The following MICOS10 variants were observed in gnomAD, a reference collection of about 807,000 sequenced individuals.
MICOS10 encodes MICOS complex subunit MIC10.
In MICOS10, 5 loss-of-function variants were observed where a neutral mutation model predicts 13.4. That is an observed-to-expected ratio of 0.37 (90% CI 0.20 to 0.78). The LOEUF is 0.78. MICOS10 is among the 30% of genes least tolerant of loss of function. MICOS10 has a pLI of 0.47. For synonymous variants in MICOS10, 35 were observed against 33.6 expected (o/e 1.04, Z -0.15); for missense variants, 101 against 94.6 (o/e 1.07, Z -0.28).
intron 3 of MICOS10, chr1:19,625,594 T>G: frequency 7.8e-7 from 1 of 1,289,428 alleles, no homozygotes. Flanking sequence ...CAGAGCTGAT[T>G]GTGGGGAGAA....
intron 1 of MICOS10, among the ~76,000 whole-genome samples, chr1:19,621,886 C>G (rs942818204): frequency 6.6e-6 from 1 of 152,090 alleles, no homozygotes; most frequent in African/African-American, 2.4e-5. Flanking sequence ...CTAGAGAGAA[C>G]AGGGAGTCAA....
intron 2 of MICOS10, among the ~76,000 whole-genome samples, chr1:19,623,211 G>A (rs11580266): frequency 0.013 from 1,999 of 152,216 alleles, 22 homozygotes; most frequent in Non-Finnish European, 0.02. Context: ...GTGAGCCACC[G>A]CGCCTGGCCT....
intron 3 of MICOS10, chr1:19,625,592 A>T: frequency 7.8e-7 from 1 of 1,289,414 alleles, no homozygotes. Context: ...ATCAGAGCTG[A>T]TTGTGGGGAG....
At chr1:19,617,307 C>T (rs1179186653) in intron 1 of MICOS10, 2 of 984,840 alleles carry the variant, frequency 2.0e-6, no homozygotes, top group Non-Finnish European at 2.4e-6. Context: ...ATGTTCCAGC[C>T]TCTGTCTAGT....
At chr1:19,607,807 A>G (rs11802651) in intron 1 of MICOS10, among the ~76,000 whole-genome samples, 12,766 of 152,280 alleles carry the variant, frequency 0.084, 628 homozygotes, top group African/African-American at 0.12. Flanking sequence ...TTCTTGTATT[A>G]GCTGATTTTA....
At chr1:19,603,506 C>T (rs937637740) in intron 1 of MICOS10, among the ~76,000 whole-genome samples, 11 of 152,190 alleles carry the variant, frequency 7.2e-5, no homozygotes, top group Non-Finnish European at 1.5e-4. Context: ...TGCCAGAGGA[C>T]GCTTTGAGGA....
At position 19,628,531 on chromosome 1, in the gene MICOS10, A is replaced by C. The variant is rs2094928978; in HGVS notation, c.*2130A>C. The C allele has an allele frequency of 6.6e-6, 1 of 151,890 alleles. No homozygotes were observed. The highest frequency in any genetic ancestry group is 1.5e-5 in the Non-Finnish European group (1 of 67,996). The allele number at this position is 151,890 out of a possible 1,614,324, so 9.4% of individuals were successfully genotyped here. A position where few individuals can be genotyped will look rare whatever the true frequency, so the allele number is the denominator to read the frequency against. ...ACCCTGTCTCTACTAAAAATATAAA[A>C]ATCAGCTGGGCATGGTGGCGCACAC... On this transcript the variant is annotated 3_prime_UTR_variant, in exon 4 of 4. Coordinates refer to ENST00000322753, the MANE Select transcript of MICOS10 (RefSeq NM_001032363.4).
intron 1 of MICOS10, among the ~76,000 whole-genome samples, chr1:19,615,053 C>T (rs2094878413): frequency 1.3e-5 from 2 of 152,178 alleles, no homozygotes; most frequent in African/African-American, 4.8e-5. Flanking sequence ...AAATGTATTC[C>T]CATCCTCCTT....
Position 19,626,436 on chromosome 1 carries a change from G to T in MICOS10, c.*35G>T, listed in dbSNP as rs2094922381. 9.3e-6 allele frequency: 15 copies of T among 1,613,204 alleles called. No individual in the cohort carries two copies. Among genetic ancestry groups the T allele is most frequent in the African/African-American group, 1.3e-5 (1 of 75,014 alleles). The stretch of plus-strand genomic sequence containing the variant: ...AGAACATCCCAGCGGGAGGACAAGA[G>T]AAATCATGTTTATTCCTCAGGAATA... On this transcript the variant is annotated 3_prime_UTR_variant, in exon 4 of 4. Transcript: ENST00000322753.
chr1:19,610,583 T>G (rs975193458), intron 1 of MICOS10, among the ~76,000 whole-genome samples: 1 of 151,568 alleles, frequency 6.6e-6, no homozygotes, highest in African/African-American at 2.4e-5. Context: ...CAAGGTATAT[T>G]TGGGAGGAGT....
intron 2 of MICOS10, among the ~76,000 whole-genome samples, chr1:19,622,564 C>T (rs571957614): frequency 3.3e-5 from 5 of 152,182 alleles, no homozygotes; most frequent in Admixed American, 3.3e-4. Context: ...AAAAATTATC[C>T]TAAGCAAAGG....
chr1:19,623,622 AAAAG>A, intron 3 of MICOS10, 39 bp downstream of exon 3: 1 of 1,432,456 alleles, frequency 7.0e-7, no homozygotes, highest in Non-Finnish European at 9.8e-7. Context: ...CTTCAGAAGA[AAAAG>A]ATTTCTCCTG....
intron 1 of MICOS10, among the ~76,000 whole-genome samples, chr1:19,612,280 T>C (rs2094866208): frequency 1.3e-5 from 2 of 151,088 alleles, no homozygotes; most frequent in South Asian, 4.2e-4. Context: ...ATGGTCTCCA[T>C]CTCCTGACCT....
At chr1:19,607,918 T>C (rs2094841499) in intron 1 of MICOS10, among the ~76,000 whole-genome samples, 1 of 152,202 alleles carries the variant, frequency 6.6e-6, no homozygotes, top group Admixed American at 6.5e-5. Flanking sequence ...CATACATACA[T>C]GGTCAATTCG....
chr1:19,597,167 G>A (rs1443784993), intron 1 of MICOS10, 58 bp downstream of exon 1: 1 of 1,545,466 alleles, frequency 6.5e-7, no homozygotes, highest in Non-Finnish European at 8.8e-7. Flanking sequence ...GCTCCAGGCT[G>A]CGCTGCCCAG....
At chr1:19,620,543 TGAA>T (rs2094899411) in intron 1 of MICOS10, among the ~76,000 whole-genome samples, 1 of 152,244 alleles carries the variant, frequency 6.6e-6, no homozygotes, top group African/African-American at 2.4e-5. Flanking sequence ...CTTTAAGAAT[TGAA>T]GATACAGCAG....
chr1:19,602,119 T>C (rs2100243663), intron 1 of MICOS10, among the ~76,000 whole-genome samples: 1 of 152,338 alleles, frequency 6.6e-6, no homozygotes, highest in Non-Finnish European at 1.5e-5. Flanking sequence ...TTCTTCTCCC[T>C]GGAATGTAAA....
At chr1:19,616,440 G>A (rs187976487) in intron 1 of MICOS10, among the ~76,000 whole-genome samples, 8 of 152,122 alleles carry the variant, frequency 5.3e-5, no homozygotes, top group Non-Finnish European at 1.0e-4. Context: ...AGGCCTCAGC[G>A]CATTTGGATT....
intron 2 of MICOS10, among the ~76,000 whole-genome samples, chr1:19,622,991 A>C (rs1339870169): frequency 1.4e-5 from 2 of 142,298 alleles, no homozygotes; most frequent in Admixed American, 7.5e-5. Context: ...GTGCGATCTC[A>C]GCTCACTGCA....
Sources: allele counts gnomAD v4.1 joint callset (sites outside exome capture counted in the v4.1 genomes callset), GRCh38; gene constraint gnomAD v4.1.1; transcripts MANE v1.5; gene names NCBI Gene and HGNC (gene_info 2026-07-23, HGNC 2026-07-21).